The following ACACA variants were observed in gnomAD, a reference collection of about 807,000 sequenced individuals.
ACACA encodes acetyl-CoA carboxylase alpha.
A neutral mutation model predicts 296.1 loss-of-function variants in ACACA; 103 were observed. The ratio of observed to expected loss-of-function variants is 0.35; its 90% CI spans 0.30 to 0.41. ACACA has a LOEUF of 0.41. Ranked by LOEUF, ACACA falls within the 10% of genes least tolerant of loss-of-function variation. The pLI, the probability that ACACA is intolerant of heterozygous loss-of-function variation, is 1.00. For synonymous variants in ACACA, 953 were observed against 1,038.6 expected (o/e 0.92, Z 1.58); for missense variants, 1,554 against 2,989.7 (o/e 0.52, Z 11.20).
At chr17:37,222,247 T>A (rs1286984494) in intron 28 of ACACA, among the ~76,000 whole-genome samples, 2 of 151,948 alleles carry the variant, frequency 1.3e-5, no homozygotes, top group African/African-American at 4.8e-5. Context: ...ACTTACAGAG[T>A]GAAAATAGAA....
intron 1 of ACACA, among the ~76,000 whole-genome samples, chr17:37,399,834 T>C (rs560437049): frequency 6.6e-6 from 1 of 152,326 alleles, no homozygotes; most frequent in African/African-American, 2.4e-5. Context: ...TGGACAGATC[T>C]GGTTTTTTGC....
intron 1 of ACACA, among the ~76,000 whole-genome samples, chr17:37,383,884 CAT>C (rs2050412893): frequency 6.6e-6 from 1 of 152,148 alleles, no homozygotes; most frequent in African/African-American, 2.4e-5. Flanking sequence ...ACTTTTGAAA[CAT>C]AATCCCTTCT....
intron 42 of ACACA, among the ~76,000 whole-genome samples, chr17:37,158,701 C>G (rs2076349568): frequency 6.6e-6 from 1 of 152,006 alleles, no homozygotes; most frequent in African/African-American, 2.4e-5. Context: ...GAGGAGTAGT[C>G]CAGGGACCAA....
chr17:37,099,991 A>G (rs1328296918), intron 52 of ACACA, among the ~76,000 whole-genome samples: 1 of 152,180 alleles, frequency 6.6e-6, no homozygotes, highest in African/African-American at 2.4e-5. Flanking sequence ...TAAAATAAAT[A>G]ATGATATTTA....
intron 3 of ACACA, among the ~76,000 whole-genome samples, chr17:37,321,772 A>T (rs112845361): frequency 0.042 from 6,355 of 149,662 alleles, 377 homozygotes; most frequent in African/African-American, 0.13. Context: ...ATAAATAATT[A>T]AAAAAAAATA....
intron 3 of ACACA, among the ~76,000 whole-genome samples, chr17:37,305,994 C>T (rs1400948899): frequency 6.7e-6 from 1 of 149,742 alleles, no homozygotes; most frequent in Non-Finnish European, 1.5e-5. Flanking sequence ...CTGCAAGCTC[C>T]GCCTCCTGGG....
rs568416013 is a variant in ACACA at position 37,115,233 on chromosome 17, C to T, written c.6275-1968G>A. On this transcript the variant is annotated intron_variant, in intron 50 of 55. Transcript: ENST00000616317. The stretch of plus-strand genomic sequence containing the variant: ...AGCAGGGAATAAAGGACTTTAAGTG[C>T]TTTACGCTAATTCTGTAGTTATGAA... 1.1e-4 allele frequency among the ~76,000 whole-genome samples: 17 copies of T among 152,292 alleles called. 1 individual carries two copies. The South Asian group carries it at 3.3e-3, about 30-fold the overall frequency.
At chr17:37,105,894 A>C (rs1280579125) in intron 52 of ACACA, among the ~76,000 whole-genome samples, 1 of 151,926 alleles carries the variant, frequency 6.6e-6, no homozygotes, top group Non-Finnish European at 1.5e-5. Flanking sequence ...AGAAAGAAAG[A>C]AAGCAATTTG....
At chr17:37,181,900 C>CA (rs61045031) in intron 39 of ACACA, among the ~76,000 whole-genome samples, 6,182 of 21,936 alleles carry the variant, frequency 0.28, 1,236 homozygotes, top group Non-Finnish European at 0.36. Context: ...ACTCTGTATC[C>CA]AAAAAAAAAA....
At chr17:37,353,122 G>A (rs2048979285) in intron 1 of ACACA, among the ~76,000 whole-genome samples, 1 of 152,110 alleles carries the variant, frequency 6.6e-6, no homozygotes, top group Admixed American at 6.6e-5. Flanking sequence ...TTTTGAGATA[G>A]AATCAAAGTA....
intron 1 of ACACA, among the ~76,000 whole-genome samples, chr17:37,405,997 G>T (rs2051487267): frequency 6.6e-6 from 1 of 151,564 alleles, no homozygotes; most frequent in Non-Finnish European, 1.5e-5. Context: ...CTAAATAGAT[G>T]TAACAGTTAT....
chr17:37,344,485 G>A (rs2048526585), intron 1 of ACACA, among the ~76,000 whole-genome samples: 1 of 152,118 alleles, frequency 6.6e-6, no homozygotes, highest in African/African-American at 2.4e-5. Context: ...TTGAACCCAG[G>A]AGGCAGAGGC....
At chr17:37,159,005 T>C (rs2076361366) in intron 42 of ACACA, among the ~76,000 whole-genome samples, 1 of 151,948 alleles carries the variant, frequency 6.6e-6, no homozygotes, top group Admixed American at 6.6e-5. Context: ...CAGCAAAACC[T>C]TGTCTTTATG....
intron 54 of ACACA, among the ~76,000 whole-genome samples, chr17:37,096,690 C>A (rs1231227606): frequency 2.0e-5 from 3 of 152,184 alleles, no homozygotes; most frequent in Non-Finnish European, 4.4e-5. Flanking sequence ...TGGATAGGAA[C>A]AACATTTGCC....
chr17:37,161,910 G>A lies in ACACA; in HGVS notation c.5220C>T (p.Ser1740=), dbSNP rs925335577. ...PQEDLLFLRA[S]ELARAEGIPR... is the part of the protein sequence containing the mutation. ...GAATACCTTCTGCCCTAGCAAGTTC[G>A]GAAGCTCTGAGAAATAACAAATCCT... Residue 1740 remains serine, a synonymous_variant, in exon 42 of 56, where the codon TCC becomes TCT. Transcript: ENST00000616317. 1.7e-5 allele frequency: 27 copies of A among 1,614,044 alleles called. No homozygotes were observed. The highest frequency in any genetic ancestry group is 9.9e-5 in the South Asian group (9 of 91,088).
intron 10 of ACACA, among the ~76,000 whole-genome samples, chr17:37,267,446 A>G (rs1180799821): frequency 1.3e-5 from 2 of 152,224 alleles, no homozygotes; most frequent in Non-Finnish European, 2.9e-5. Flanking sequence ...CCAAGACAGC[A>G]AGAGCAACAA....
intron 41 of ACACA, among the ~76,000 whole-genome samples, chr17:37,174,782 C>T (rs546370192): frequency 5.1e-4 from 78 of 152,228 alleles, no homozygotes; most frequent in Non-Finnish European, 9.1e-4. Context: ...CTGCCCGCCT[C>T]AGCCTCCCAA....
intron 3 of ACACA, among the ~76,000 whole-genome samples, chr17:37,317,318 G>A (rs954159392): frequency 7.2e-5 from 11 of 152,128 alleles, no homozygotes; most frequent in South Asian, 2.1e-4. Context: ...GGCTGGGCGC[G>A]GTGGCTGACG....
intron 3 of ACACA, among the ~76,000 whole-genome samples, chr17:37,323,506 G>A (rs973125928): frequency 1.4e-4 from 22 of 152,220 alleles, no homozygotes; most frequent in Admixed American, 5.2e-4. Flanking sequence ...GAAGCAGGAG[G>A]ATTGTTTGAG....
Sources: allele counts gnomAD v4.1 joint callset (sites outside exome capture counted in the v4.1 genomes callset), GRCh38; gene constraint gnomAD v4.1.1; transcripts MANE v1.5; gene names NCBI Gene and HGNC (gene_info 2026-07-23, HGNC 2026-07-21).